The following RFX3 variants were observed in gnomAD, a reference collection of about 807,000 sequenced individuals.
RFX3 encodes the protein regulatory factor X3.
A neutral mutation model predicts 98.6 loss-of-function variants in RFX3; 14 were observed. That is an observed-to-expected ratio of 0.14 (90% confidence interval 0.09 to 0.22). The LOEUF (loss-of-function observed/expected upper bound fraction) is 0.22. RFX3 is among the 10% of genes least tolerant of loss of function. RFX3 has a pLI of 1.00. For synonymous variants in RFX3, 383 were observed against 328.4 expected, an observed-to-expected ratio of 1.17 and a Z score of -1.80; for missense variants, 639 against 926.9, an observed-to-expected ratio of 0.69 and a Z score of 4.03.
intron 1 of RFX3, among the ~76,000 whole-genome samples, chr9:3,512,106 A>T (rs944219683): frequency 2.0e-5 from 3 of 150,630 alleles, no homozygotes; most frequent in Admixed American, 2.0e-4. Context: ...ATAATAAATA[A>T]TAAGAGAAAT....
intron 2 of RFX3, among the ~76,000 whole-genome samples, chr9:3,372,489 G>A (rs543947649): frequency 6.6e-5 from 10 of 151,594 alleles, no homozygotes; most frequent in South Asian, 2.1e-4. Flanking sequence ...CCAAACTAAC[G>A]CAGTATATAT....
At chr9:3,515,483 TCCCA>T (rs1818066458) in intron 1 of RFX3, among the ~76,000 whole-genome samples, 2 of 152,194 alleles carry the variant, frequency 1.3e-5, no homozygotes, top group South Asian at 4.1e-4. Context: ...GCCCCGTAAG[TCCCA>T]CCTCAAGCCC....
intron 4 of RFX3, among the ~76,000 whole-genome samples, chr9:3,318,318 A>C (rs3012705): frequency 0.13 from 20,175 of 152,088 alleles, 1,421 homozygotes; most frequent in Middle Eastern, 0.19. Context: ...TGGGAACTGA[A>C]CAATGAGAAC....
intron 4 of RFX3, among the ~76,000 whole-genome samples, chr9:3,312,203 T>G (rs907629018): frequency 1.3e-5 from 2 of 152,206 alleles, no homozygotes; most frequent in Admixed American, 6.5e-5. Flanking sequence ...CATAGTCACA[T>G]GTTTGTATGT....
At chr9:3,245,028 A>G (rs562592824) in intron 15 of RFX3, among the ~76,000 whole-genome samples, 1 of 152,234 alleles carries the variant, frequency 6.6e-6, no homozygotes, top group Non-Finnish European at 1.5e-5. Context: ...ACTAATAGCC[A>G]TGACAGAGCT....
At chr9:3,467,130 G>A (rs926641631) in intron 1 of RFX3, among the ~76,000 whole-genome samples, 4 of 138,212 alleles carry the variant, frequency 2.9e-5, no homozygotes, top group Non-Finnish European at 6.2e-5. Context: ...ATATATGTAA[G>A]TATATATGTA....
At chr9:3,401,901 C>G (rs74738246) in intron 1 of RFX3, among the ~76,000 whole-genome samples, 3,840 of 152,262 alleles carry the variant, frequency 0.025, 88 homozygotes, top group African/African-American at 0.053. Flanking sequence ...TGCAAAAACC[C>G]AGATGCTGAA....
chr9:3,340,781 T>C (rs1201174479), intron 3 of RFX3, among the ~76,000 whole-genome samples: 1 of 152,112 alleles, frequency 6.6e-6, no homozygotes, highest in Admixed American at 6.5e-5. Context: ...TGTGGAGAAA[T>C]AGAAACACTT....
intron 3 of RFX3, among the ~76,000 whole-genome samples, chr9:3,341,663 G>A (rs1043986596): frequency 2.0e-5 from 3 of 152,104 alleles, no homozygotes; most frequent in Admixed American, 1.3e-4. Flanking sequence ...CACCGATCAT[G>A]GGCCATTGTT....
chr9:3,394,852 A>G (rs1840692774), intron 2 of RFX3: 8 of 985,190 alleles, frequency 8.1e-6, no homozygotes, highest in Admixed American at 6.1e-5. Flanking sequence ...TTACTTTGTC[A>G]GTATCTTTCC....
chr9:3,472,932 A>C (rs1848905623), intron 1 of RFX3, among the ~76,000 whole-genome samples: 1 of 152,224 alleles, frequency 6.6e-6, no homozygotes, highest in African/African-American at 2.4e-5. Context: ...GATGATCCAG[A>C]GTTGACTTAG....
chr9:3,369,659 C>T (rs1785514053), intron 2 of RFX3, among the ~76,000 whole-genome samples: 1 of 152,144 alleles, frequency 6.6e-6, no homozygotes, highest in African/African-American at 2.4e-5. Flanking sequence ...TAAGCACTGA[C>T]AACAAATCAG....
At chr9:3,445,435 T>C (rs1442326438) in intron 1 of RFX3, among the ~76,000 whole-genome samples, 3 of 152,292 alleles carry the variant, frequency 2.0e-5, no homozygotes, top group Admixed American at 2.0e-4. Context: ...ATTTTACAGA[T>C]GAAATATCTC....
intron 1 of RFX3, among the ~76,000 whole-genome samples, chr9:3,400,695 C>T (rs1471989370): frequency 2.0e-5 from 3 of 152,128 alleles, no homozygotes; most frequent in Non-Finnish European, 4.4e-5. Context: ...ATATCCCTTC[C>T]ACAGATTAAC....
intron 1 of RFX3, among the ~76,000 whole-genome samples, chr9:3,439,377 AT>A (rs1372545754): frequency 9.2e-5 from 14 of 151,944 alleles, no homozygotes; most frequent in Admixed American, 6.6e-4. Flanking sequence ...TGAAAACAAA[AT>A]CTCATTCTTT....
intron 15 of RFX3, among the ~76,000 whole-genome samples, chr9:3,242,099 C>T (rs1018129778): frequency 1.3e-5 from 2 of 152,180 alleles, no homozygotes; most frequent in African/African-American, 4.8e-5. Context: ...TCCCATTTGA[C>T]TATTTGAAGT....
intron 3 of RFX3, among the ~76,000 whole-genome samples, chr9:3,343,822 C>A (rs1026751705): frequency 3.9e-5 from 6 of 152,144 alleles, no homozygotes; most frequent in African/African-American, 1.4e-4. Context: ...CAATTTGAGT[C>A]CACACAGACC....
chr9:3,456,897 C>A (rs184466635), intron 1 of RFX3, among the ~76,000 whole-genome samples: 1 of 151,528 alleles, frequency 6.6e-6, no homozygotes, highest in Non-Finnish European at 1.5e-5. Flanking sequence ...GCCTGTAATC[C>A]CAGCACTCTG....
intron 11 of RFX3, among the ~76,000 whole-genome samples, chr9:3,266,534 C>CT (rs1465124732): frequency 1.3e-5 from 2 of 151,746 alleles, no homozygotes; most frequent in East Asian, 1.9e-4. Flanking sequence ...ACTTATGACG[C>CT]TTTTTTGGGA....
Sources: gnomAD v4.1 joint callset for allele counts (sites outside exome capture counted in the v4.1 genomes callset) on GRCh38, gnomAD v4.1.1 for gene constraint, MANE v1.5 for transcripts, NCBI Gene and HGNC (gene_info 2026-07-23, HGNC 2026-07-21) for gene names.